Variants in ACTN3 observed in about 807,000 individuals in gnomAD.
ACTN3 encodes the protein actinin alpha 3.
Under a neutral mutation model 119.6 loss-of-function variants are expected in ACTN3, and 91 were observed. The ratio of observed to expected loss-of-function variants is 0.76; its 90% CI spans 0.64 to 0.91. The LOEUF is 0.91. Among genes scored for constraint, ACTN3 ranks in the 40% least tolerant of loss-of-function variants. The pLI, the probability that ACTN3 is intolerant of heterozygous loss-of-function variation, is 0.00. For missense variants in ACTN3, 1,221 were observed against 1,215.1 expected, an observed-to-expected ratio of 1.00 and a Z score of -0.07; for synonymous variants, 456 against 478.8, an observed-to-expected ratio of 0.95 and a Z score of 0.62.
chr11:66,562,697 G>A, intron 19 of ACTN3, 99 bp from the exon 20 acceptor site: 1 of 1,337,718 alleles, frequency 7.5e-7, no homozygotes, highest in Admixed American at 2.3e-5. Context: ...TGTTACTGGG[G>A]CTCTGCTAGC....
upstream of ACTN3, chr11:66,546,889 G>T (rs777582163): frequency 2.6e-6 from 4 of 1,516,922 alleles, no homozygotes; most frequent in East Asian, 7.0e-5. Context: ...AATGGGGCCC[G>T]GGTGTCCGAG....
At chr11:66,556,261 T>A (rs1220744809) in intron 8 of ACTN3, 31 bp downstream of exon 8, 9 of 1,607,988 alleles carry the variant, frequency 5.6e-6, no homozygotes, top group Non-Finnish European at 7.6e-6. Context: ...CTGCCTGGGC[T>A]TGTGGACCCA....
chr11:66,557,094 T>G lies in ACTN3; in HGVS notation c.805-39T>G, dbSNP rs753985465. ...GGTTTTAAGGGCTTTACAGAAGCAA[T>G]TTGCTTTAATGCCAGCCTTCTGCCC... On this transcript the variant is annotated intron_variant, in intron 8 of 20. Transcript: ENST00000513398. 2.0e-5 allele frequency: 31 copies of G among 1,528,936 alleles called. 1 individual carries two copies. In the Middle Eastern group the frequency reaches 4.3e-3, roughly 211 times the overall value. 94.7% of individuals were successfully genotyped at this position (1,528,936 alleles called of 1,614,324 possible). A position where few individuals can be genotyped will look rare whatever the true frequency, so the allele number is the denominator to read the frequency against.
intron 17 of ACTN3, 173 bp from the exon 18 acceptor site, chr11:66,561,849 C>G (rs1379161514): frequency 2.2e-6 from 1 of 446,502 alleles, no homozygotes; most frequent in African/African-American, 2.2e-5. Context: ...TATCAAAAGA[C>G]AGGAAGGACT....
At chr11:66,560,543 C>G in intron 14 of ACTN3, 30 bp from the exon 15 acceptor site, 1 of 1,589,474 alleles carries the variant, frequency 6.3e-7, no homozygotes, top group Non-Finnish European at 8.6e-7. Flanking sequence ...TGGGGGACAC[C>G]AGCTGACACT....
At chr11:66,557,332 C>T in intron 9 of ACTN3, 107 bp downstream of exon 9, 5 of 1,099,306 alleles carry the variant, frequency 4.5e-6, no homozygotes, top group Non-Finnish European at 6.6e-6. Context: ...CTCAGAGTAG[C>T]CCTGGCTTCC....
At position 66,562,681 on chromosome 11, in the gene ACTN3, C is replaced by T. The variant is rs1008386441; in HGVS notation, c.2389-115C>T. ...GGCTAAGGTCTCTGGAGGAAGGGAA[C>T]TCCCTTGTTACTGGGGCTCTGCTAG... On this transcript the variant is annotated intron_variant, in intron 19 of 20. Transcript: ENST00000513398. The T allele has an allele frequency of 3.3e-5, 40 of 1,210,312 alleles. No individual in the cohort carries two copies. In the African/African-American group the frequency reaches 5.3e-4, roughly 16 times the overall value. 75.0% of individuals were successfully genotyped at this position (1,210,312 alleles called of 1,614,324 possible).
At position 66,552,878 on chromosome 11, in the gene ACTN3, TCTCACACACACA is replaced by T. The variant is rs1302933089; in HGVS notation, c.383-1165_383-1154del. Among the ~76,000 whole-genome samples, 31 of 72,020 alleles carry T rather than the reference TCTCACACACACA, an allele frequency of 4.3e-4. 1 individual carries two copies. In the East Asian group the frequency reaches 5.5e-3, roughly 13 times the overall value. 47.2% of individuals were successfully genotyped at this position (72,020 alleles called of 152,430 possible). A position where few individuals can be genotyped will look rare whatever the true frequency, so the allele number is the denominator to read the frequency against. ...CTCTCTCTCTCTCTCTCTCTCTCTC[TCTCACACACACA>T]CACACACACACACACACACACAAAG... On this transcript the variant is annotated intron_variant, in intron 3 of 20. Coordinates refer to ENST00000513398, the MANE Select transcript of ACTN3 (RefSeq NM_001104.4).
Position 66,562,053 on chromosome 11 carries a change from C to T in ACTN3, c.2207C>T (p.Thr736Ile). The T allele has an allele frequency of 6.2e-7, 1 of 1,612,978 alleles. No homozygotes were observed. The highest frequency in any genetic ancestry group is 8.5e-7 in the Non-Finnish European group (1 of 1,179,560). Reference sequence around the variant, plus strand: ...CGCGTGGGCTGGGAGCAGCTGCTCACCTCCATTGCCCGCACCATCAATGAA... The same window carrying T: ...CGCGTGGGCTGGGAGCAGCTGCTCATCTCCATTGCCCGCACCATCAATGAA... Reference protein sequence around the residue: ...HIRVGWEQLLTSIARTINEVE... With the variant: ...HIRVGWEQLLISIARTINEVE... Residue 736 changes from threonine to isoleucine, a missense_variant, in exon 18 of 21, where the codon ACC becomes ATC. Physicochemically the swap from Thr to Ile is moderately conservative, Grantham distance 89. Transcript: ENST00000513398.
intron 18 of ACTN3, 22 bp downstream of exon 18, chr11:66,562,190 T>G (rs761814523): frequency 3.1e-6 from 5 of 1,613,666 alleles, no homozygotes; most frequent in Admixed American, 1.7e-5. Context: ...CCTGGCCCTG[T>G]GGGGTAAGAC....
intron 5 of ACTN3, 110 bp downstream of exon 5, chr11:66,554,733 C>T: frequency 1.1e-6 from 1 of 902,166 alleles, no homozygotes; most frequent in Non-Finnish European, 1.7e-6. Flanking sequence ...TCACAAGCCA[C>T]AGGGAAGGAA....
chr11:66,556,105 C>A, intron 7 of ACTN3, 40 bp from the exon 8 acceptor site: 1 of 1,571,440 alleles, frequency 6.4e-7, no homozygotes, highest in Non-Finnish European at 8.7e-7. Flanking sequence ...GGGAGGGACC[C>A]CTGGCTTTGG....
At position 66,558,012 on chromosome 11, in the gene ACTN3, C is replaced by T; in HGVS notation, c.1129-15C>T. The T allele has an allele frequency of 6.2e-7, 1 of 1,613,736 alleles. No homozygotes were observed. Among genetic ancestry groups the T allele is most frequent in the Non-Finnish European group, 8.5e-7 (1 of 1,179,814 alleles). ...GGGCAAACCGTGATGGAGCGCACCC[C>T]TGCCTGCTCCACAGGACATCGCCAA... On this transcript the variant is annotated splice_polypyrimidine_tract_variant and intron_variant, in intron 10 of 20. Transcript: ENST00000513398.
chr11:66,557,737 G>A lies in ACTN3; in HGVS notation c.936G>A (p.Glu312=), dbSNP rs1256269149. ...TCCGCCGCACTGTCCCATGGCTGGA[G>A]AACCGTGTGGGTGAGCCCAGCATGA... ...EWIRRTVPWL[E]NRVGEPSMSA... The change falls in exon 10 of 21, where the codon GAG becomes GAA. Residue 312 remains glutamate (E), a synonymous_variant. Coordinates refer to ENST00000513398, the MANE Select transcript of ACTN3 (RefSeq NM_001104.4). 1.4e-5 allele frequency: 22 copies of A among 1,613,394 alleles called. No individual in the cohort carries two copies. The highest frequency in any genetic ancestry group is 1.8e-5 in the Non-Finnish European group (21 of 1,179,728).
intron 1 of ACTN3, among the ~76,000 whole-genome samples, chr11:66,547,495 TA>T (rs1372128085): frequency 6.6e-6 from 1 of 151,562 alleles, no homozygotes. Context: ...AGTGTGGGGG[TA>T]GTGAGAAGGG....
intron 19 of ACTN3, 153 bp from the exon 20 acceptor site, chr11:66,562,643 T>C (rs1473632995): frequency 3.0e-5 from 12 of 398,524 alleles, no homozygotes; most frequent in Non-Finnish European, 4.1e-5. Context: ...CATAAAGGAC[T>C]TCCTACAGCC....
In ACTN3 at chr11:66,556,176, G is replaced by A. The variant is rs1366402569; in HGVS notation, c.750G>A (p.Lys250=). 3 of 1,613,886 alleles carry A rather than the reference G, an allele frequency of 1.9e-6. No homozygotes were observed. In the Admixed American group the frequency reaches 5.0e-5, roughly 27 times the overall value. Residue 250 remains lysine, a synonymous_variant, in exon 8 of 21, where the codon AAG becomes AAA. Coordinates refer to ENST00000513398, the MANE Select transcript of ACTN3 (RefSeq NM_001104.4). ...TGAACACCCCAAAGCCGGATGAGAAGGCCATCATGACCTATGTGTCCTGCT... is the reference window on the plus strand; with the variant it reads ...TGAACACCCCAAAGCCGGATGAGAAAGCCATCATGACCTATGTGTCCTGCT... ...DIVNTPKPDE[K]AIMTYVSCFY... is the part of the protein sequence containing the mutation.
At chr11:66,547,144 C>T (rs1000575360) in intron 1 of ACTN3, 60 bp downstream of exon 1, 1 of 1,444,150 alleles carries the variant, frequency 6.9e-7, no homozygotes, top group Non-Finnish European at 9.1e-7. Flanking sequence ...GGCTGTTTGT[C>T]CTGGGCATCT....
chr11:66,558,051 C>A lies in ACTN3; in HGVS notation c.1153C>A (p.Leu385Met), dbSNP rs1168034112. The change falls in exon 11 of 21, where the codon CTG (leucine) becomes ATG (methionine). Residue 385 changes from leucine (L) to methionine (M), a missense_variant. Leu to Met is a conservative substitution (Grantham distance 15). Transcript: ENST00000513398. ...VSDIANAWRGLEQVEKGYEDW... is the reference protein window; with the variant it reads ...VSDIANAWRGMEQVEKGYEDW... The stretch of plus-strand genomic sequence containing the variant: ...GGACATCGCCAACGCCTGGCGGGGG[C>A]TGGAGCAGGTGGAAAAGGGCTATGA... The A allele has an allele frequency of 1.2e-6, 2 of 1,613,776 alleles. No homozygotes were observed. The highest frequency in any genetic ancestry group is 1.7e-6 in the Non-Finnish European group (2 of 1,179,886).
Sources: gnomAD v4.1 joint callset for allele counts (sites outside exome capture counted in the v4.1 genomes callset) on GRCh38, gnomAD v4.1.1 for gene constraint, MANE v1.5 for transcripts, NCBI Gene and HGNC (gene_info 2026-07-23, HGNC 2026-07-21) for gene names.